Variants in CADM1 observed in about 807,000 individuals in gnomAD.
The protein encoded by CADM1 is cell adhesion molecule 1, also known as TSLC-1.
In CADM1, 15 loss-of-function variants were observed where a neutral mutation model predicts 53.1. That is an observed-to-expected ratio of 0.28 (90% CI 0.19 to 0.44). The LOEUF is 0.44. CADM1 is among the 20% of genes least tolerant of loss of function. CADM1 has a pLI of 1.00. For synonymous variants in CADM1, 281 were observed against 243.0 expected (o/e 1.16, Z -1.45); for missense variants, 434 against 611.3 (o/e 0.71, Z 3.06).
At chr11:115,359,112 G>A (rs962271376) in intron 1 of CADM1, among the ~76,000 whole-genome samples, 3 of 152,090 alleles carry the variant, frequency 2.0e-5, no homozygotes, top group African/African-American at 4.8e-5. Flanking sequence ...CATCTGTGTG[G>A]CTTTTCATAA....
intron 1 of CADM1, among the ~76,000 whole-genome samples, chr11:115,261,159 T>C (rs1442321597): frequency 1.3e-5 from 2 of 152,160 alleles, no homozygotes; most frequent in East Asian, 1.9e-4. Flanking sequence ...ACAATGTTTC[T>C]TCCTATATAA....
intron 1 of CADM1, among the ~76,000 whole-genome samples, chr11:115,309,597 T>C (rs1944478138): frequency 6.6e-6 from 1 of 152,096 alleles, no homozygotes; most frequent in Non-Finnish European, 1.5e-5. Context: ...TATGTAGAAC[T>C]GAAATGGGAA....
At chr11:115,453,776 CACAAATCCAAGTCA>C (rs543098223) in intron 1 of CADM1, among the ~76,000 whole-genome samples, 138 of 152,194 alleles carry the variant, frequency 9.1e-4, no homozygotes, top group Middle Eastern at 3.4e-3. Flanking sequence ...ACTTTCTTAT[CACAAATCCAAGTCA>C]AAGAGGTAGA....
At chr11:115,501,358 G>C (rs1172106345) in intron 1 of CADM1, among the ~76,000 whole-genome samples, 1 of 152,110 alleles carries the variant, frequency 6.6e-6, no homozygotes, top group Non-Finnish European at 1.5e-5. Context: ...AGCCCCAACA[G>C]GCCAAAGCAA....
At chr11:115,283,832 G>A (rs996386968) in intron 1 of CADM1, among the ~76,000 whole-genome samples, 1 of 152,168 alleles carries the variant, frequency 6.6e-6, no homozygotes, top group Non-Finnish European at 1.5e-5. Flanking sequence ...CTGCTGTAAA[G>A]GCCTGGCCTT....
At position 115,462,022 on chromosome 11, in the gene CADM1, C is replaced by G. The variant is rs185649501; in HGVS notation, c.124+42249G>C. On this transcript the variant is annotated intron_variant, in intron 1 of 11. Coordinates refer to ENST00000331581, the MANE Select transcript of CADM1 (RefSeq NM_001301043.2). ...GGACAAAACACTGGGAAACATTTAG[C>G]CGGTAGAGGGAGAAAAAAGAGCTAG... Among the ~76,000 whole-genome samples, 120 of 152,118 alleles carry G rather than the reference C, an allele frequency of 7.9e-4. 1 individual carries two copies. Among genetic ancestry groups the G allele is most frequent in the African/African-American group, 2.7e-3 (114 of 41,480 alleles).
chr11:115,298,739 G>A (rs1944143510), intron 1 of CADM1, among the ~76,000 whole-genome samples: 1 of 152,178 alleles, frequency 6.6e-6, no homozygotes, highest in African/African-American at 2.4e-5. Flanking sequence ...ACAGTTTACA[G>A]TTACAAAGCT....
intron 1 of CADM1, among the ~76,000 whole-genome samples, chr11:115,335,229 T>A (rs576003772): frequency 3.9e-5 from 6 of 152,258 alleles, no homozygotes; most frequent in Non-Finnish European, 8.8e-5. Context: ...TAATATTTTT[T>A]AAAGAATCTT....
chr11:115,445,745 G>A (rs1038567871), intron 1 of CADM1: 2 of 451,858 alleles, frequency 4.4e-6, no homozygotes, highest in Non-Finnish European at 8.9e-6. Flanking sequence ...TTGAGAGGCT[G>A]AGGTAGAAGA....
At chr11:115,383,235 T>C (rs545040712) in intron 1 of CADM1, among the ~76,000 whole-genome samples, 4 of 152,332 alleles carry the variant, frequency 2.6e-5, no homozygotes, top group African/African-American at 9.6e-5. Context: ...TGAAGCTATG[T>C]TGAAAGGGAT....
chr11:115,327,660 G>A (rs1447982760), intron 1 of CADM1, among the ~76,000 whole-genome samples: 8 of 152,128 alleles, frequency 5.3e-5, no homozygotes, highest in South Asian at 4.1e-4. Context: ...GGAGAGTATA[G>A]TGATGTGGAC....
At position 115,398,849 on chromosome 11, in the gene CADM1, A is replaced by G. The variant is rs536331745; in HGVS notation, c.124+105422T>C. On this transcript the variant is annotated intron_variant, in intron 1 of 11. Coordinates refer to ENST00000331581, the MANE Select transcript of CADM1 (RefSeq NM_001301043.2). ...TTAGACCCACTACAGATTCCTTTAC[A>G]AAATCCTTTGGTGCCTGGTCTCCAA... is the stretch of plus-strand genomic sequence containing the variant. Among the ~76,000 whole-genome samples the G allele has an allele frequency of 2.0e-5, 3 of 152,278 alleles. No homozygotes were observed. In the East Asian group the frequency reaches 5.8e-4, roughly 29 times the overall value.
intron 1 of CADM1, among the ~76,000 whole-genome samples, chr11:115,345,514 C>T (rs1035034384): frequency 6.6e-6 from 1 of 152,142 alleles, no homozygotes; most frequent in Non-Finnish European, 1.5e-5. Flanking sequence ...CAGCCCATTG[C>T]CCTCCAGCTG....
At chr11:115,214,178 T>C (rs189754300) in intron 7 of CADM1, among the ~76,000 whole-genome samples, 11 of 152,338 alleles carry the variant, frequency 7.2e-5, no homozygotes, top group Admixed American at 2.6e-4. Flanking sequence ...TCTTTTGGAA[T>C]TAATAGCTTC....
At chr11:115,362,036 A>T (rs1591747225) in intron 1 of CADM1, among the ~76,000 whole-genome samples, 1 of 152,138 alleles carries the variant, frequency 6.6e-6, no homozygotes, top group Non-Finnish European at 1.5e-5. Flanking sequence ...CACAGCACCC[A>T]GGCCCTAAAC....
intron 1 of CADM1, among the ~76,000 whole-genome samples, chr11:115,364,986 T>A (rs1430284976): frequency 6.6e-6 from 1 of 152,236 alleles, no homozygotes; most frequent in Non-Finnish European, 1.5e-5. Flanking sequence ...TATTTGTAGA[T>A]GTTTATGGAA....
intron 1 of CADM1, among the ~76,000 whole-genome samples, chr11:115,361,541 C>T (rs1324354890): frequency 2.0e-5 from 3 of 152,078 alleles, no homozygotes; most frequent in African/African-American, 7.2e-5. Context: ...TTTATGACTG[C>T]TTATGATTCT....
intron 1 of CADM1, among the ~76,000 whole-genome samples, chr11:115,429,477 C>T (rs1451783100): frequency 6.6e-6 from 1 of 151,374 alleles, no homozygotes; most frequent in Non-Finnish European, 1.5e-5. Flanking sequence ...TTGCGGTGGG[C>T]ACCTGTAATC....
chr11:115,255,170 G>A (rs910856961), intron 1 of CADM1, among the ~76,000 whole-genome samples: 16 of 152,188 alleles, frequency 1.1e-4, no homozygotes, highest in African/African-American at 3.9e-4. Flanking sequence ...GAAGAAATGA[G>A]CGTTACTTGC....
Sources: allele counts gnomAD v4.1 joint callset (sites outside exome capture counted in the v4.1 genomes callset), GRCh38; gene constraint gnomAD v4.1.1; transcripts MANE v1.5; gene names NCBI Gene and HGNC (gene_info 2026-07-23, HGNC 2026-07-21).